The following TYK2 variants were observed in gnomAD, a reference collection of about 807,000 sequenced individuals.
TYK2 encodes non-receptor tyrosine-protein kinase TYK2.
TYK2 carries 65 observed loss-of-function variants against 130.9 expected under a neutral mutation model. The ratio of observed to expected loss-of-function variants is 0.50; its 90% confidence interval spans 0.41 to 0.61. The LOEUF (loss-of-function observed/expected upper bound fraction) is 0.61, where lower values mean the gene tolerates loss of function less well. TYK2 is among the 20% of genes least tolerant of loss of function. The pLI is 0.00. For synonymous variants in TYK2, 647 were observed against 658.9 expected (o/e 0.98, Z 0.28); for missense variants, 1,378 against 1,610.7 (o/e 0.86, Z 2.47).
chr19:10,374,915 G>A (rs1302505092), intron 3 of TYK2, among the ~76,000 whole-genome samples: 3 of 151,962 alleles, frequency 2.0e-5, no homozygotes, highest in South Asian at 2.1e-4. Flanking sequence ...ATGGCCAGGC[G>A]CGATGGCTCA....
chr19:10,351,375 T>C, intron 23 of TYK2: 1 of 449,728 alleles, frequency 2.2e-6, no homozygotes. Context: ...TAATCCCAGC[T>C]ACTTGGGAGG....
Position 10,353,873 on chromosome 19 carries a change from TG to T in TYK2, c.2908+168del. 1 of 784,598 alleles carries T rather than the reference TG, an allele frequency of 1.3e-6. No individual in the cohort carries two copies. Among genetic ancestry groups the T allele is most frequent in the Non-Finnish European group, 2.1e-6 (1 of 483,566 alleles). 48.6% of individuals were successfully genotyped at this position (784,598 alleles called of 1,614,324 possible). On this transcript the variant is annotated intron_variant, in intron 20 of 24. Coordinates refer to ENST00000525621, the MANE Select transcript of TYK2 (RefSeq NM_003331.5). This position sits in a 1 kb window ranked among gnomAD's most constrained non-coding sequence, Gnocchi z 6.9. ...GCCCCAGCAGGTAGCACCCCCCAGA[TG>T]GGAAGGAGGCAGCCCAGCCACGCTC...
rs759288032 is a variant in TYK2, at chr19:10,365,543, C to G, written c.985G>C (p.Val329Leu). The G allele has an allele frequency of 1.2e-6, 2 of 1,613,982 alleles. No homozygotes were observed. The highest frequency in any genetic ancestry group is 1.7e-6 in the Non-Finnish European group (2 of 1,180,026). ...TGTGGIQWWP[V>L]EEEVNKEEGS... ...TCCTCCTTGTTCACCTCCTCCTCTA[C>G]TGGCCACCACTGGATGCCACCAGTG... Residue 329 changes from valine to leucine, a missense_variant, in exon 7 of 25, where the codon GTA (valine) becomes CTA (leucine). Val to Leu is a conservative substitution (Grantham distance 32). Coordinates refer to ENST00000525621, the MANE Select transcript of TYK2 (RefSeq NM_003331.5).
intron 22 of TYK2, 72 bp from the exon 23 acceptor site, chr19:10,352,623 C>T (rs2040867956): frequency 1.2e-6 from 1 of 826,876 alleles, no homozygotes; most frequent in African/African-American, 1.7e-5. Flanking sequence ...GGCTGAAGCC[C>T]TCACCTGAGA....
chr19:10,358,711 C>T (rs1391927229), intron 15 of TYK2, among the ~76,000 whole-genome samples: 1 of 151,992 alleles, frequency 6.6e-6, no homozygotes, highest in Non-Finnish European at 1.5e-5. Flanking sequence ...CCGCCTTGGC[C>T]TCCCAAACTG....
chr19:10,359,755 G>A lies in TYK2; in HGVS notation c.2048-453C>T, dbSNP rs531959609. On this transcript the variant is annotated intron_variant, in intron 14 of 24. Transcript: ENST00000525621. ...AGCACTTTGGGAGGCTGAGGCGGGC[G>A]GATCACAAGTTCAGGAGTTCGAGAC... Among the ~76,000 whole-genome samples the A allele has an allele frequency of 2.6e-5, 4 of 152,070 alleles. No homozygotes were observed. The South Asian group carries it at 8.3e-4, about 32-fold the overall frequency.
At chr19:10,366,615 G>A (rs759719806) in intron 5 of TYK2, 35 bp from the exon 6 acceptor site, 1 of 1,612,640 alleles carries the variant, frequency 6.2e-7, no homozygotes, top group African/African-American at 1.3e-5. Flanking sequence ...AGGGAGGTGT[G>A]AGAATGCGTT....
intron 3 of TYK2, among the ~76,000 whole-genome samples, chr19:10,371,305 AGT>A (rs2041898458): frequency 6.6e-6 from 1 of 151,496 alleles, no homozygotes; most frequent in Non-Finnish European, 1.5e-5. Context: ...GCCCTGAAGT[AGT>A]GTTTATAATT....
At chr19:10,369,292 C>T (rs1406660474) in intron 3 of TYK2, among the ~76,000 whole-genome samples, 1 of 152,130 alleles carries the variant, frequency 6.6e-6, no homozygotes, top group Non-Finnish European at 1.5e-5. Flanking sequence ...CAGGCCCCCC[C>T]TTAGATATGG....
chr19:10,350,824 C>T lies in TYK2; in HGVS notation c.*10G>A. 7 of 1,612,822 alleles carry T rather than the reference C, an allele frequency of 4.3e-6. No homozygotes were observed. The highest frequency in any genetic ancestry group is 5.9e-6 in the Non-Finnish European group (7 of 1,180,000). On this transcript the variant is annotated 3_prime_UTR_variant, in exon 25 of 25. Coordinates refer to ENST00000525621, the MANE Select transcript of TYK2 (RefSeq NM_003331.5). ...GGTCCAGTCCTCCCAGGCAGGGCTG[C>T]CATTGTGCCTCAGCACACGCTGAAC...
At chr19:10,351,597 TG>T in intron 23 of TYK2, 1 of 251,340 alleles carries the variant, frequency 4.0e-6, no homozygotes, top group Non-Finnish European at 7.9e-6. Context: ...TTCACTTCTC[TG>T]GGCCTGTTTT....
In TYK2 at chr19:10,365,901, G is replaced by T. The variant is rs750663278; in HGVS notation, c.630-3C>A. 1 of 1,603,580 alleles carries T rather than the reference G, an allele frequency of 6.2e-7. No homozygotes were observed. Among genetic ancestry groups the T allele is most frequent in the South Asian group, 1.1e-5 (1 of 89,776 alleles). ...AGCGCGGGATGCAGTCCTTGAAGCT[G>T]GGGGGAAACACAGTGAGGGGCTGGT... On this transcript the variant is annotated splice_region_variant and splice_polypyrimidine_tract_variant and intron_variant, in intron 6 of 24. Transcript: ENST00000525621.
In TYK2 at chr19:10,361,435, G is replaced by A; in HGVS notation, c.2047+76C>T. On this transcript the variant is annotated intron_variant, in intron 14 of 24. Transcript: ENST00000525621. The surrounding 1 kb of genome is among the most constrained non-coding windows in gnomAD (Gnocchi z 4.0). ...TAGGTTGGGGTGTAGGTCGAGGGTTGGGGTACAGATCAGGGAGTGGGTATA... is the reference window on the plus strand; with the variant it reads ...TAGGTTGGGGTGTAGGTCGAGGGTTAGGGTACAGATCAGGGAGTGGGTATA... 7.5e-7 allele frequency: 1 copy of A among 1,339,824 alleles called. No homozygotes were observed. Among genetic ancestry groups the A allele is most frequent in the Non-Finnish European group, 1.0e-6 (1 of 984,118 alleles). The allele number at this position is 1,339,824 out of a possible 1,614,324, so 83.0% of individuals were successfully genotyped here.
intron 3 of TYK2, among the ~76,000 whole-genome samples, chr19:10,377,556 G>A (rs1356735239): frequency 8.2e-4 from 48 of 58,808 alleles, no homozygotes; most frequent in Middle Eastern, 0.022. Flanking sequence ...GGGTGGGTGG[G>A]TGGATGGATG....
At chr19:10,370,518 A>G (rs1234347131) in intron 3 of TYK2, among the ~76,000 whole-genome samples, 1 of 151,770 alleles carries the variant, frequency 6.6e-6, no homozygotes, top group African/African-American at 2.4e-5. Flanking sequence ...CTCAAAAAAA[A>G]AAAAAAAAAT....
At chr19:10,354,331 T>A in intron 19 of TYK2, 97 bp from the exon 20 acceptor site, 1 of 1,486,504 alleles carries the variant, frequency 6.7e-7, no homozygotes, top group Non-Finnish European at 9.2e-7. Context: ...GCAGATCCTT[T>A]CGGAATACCC....
Position 10,354,255 on chromosome 19 carries a change from G to T in TYK2, c.2716-21C>A, listed in dbSNP as rs1248417818. ...TGACCCTGGTCGGGAGCGCACGAGG[G>T]TCAGCTCCACCTCCCCAATCCCTGC... On this transcript the variant is annotated intron_variant, in intron 19 of 24. Coordinates refer to ENST00000525621, the MANE Select transcript of TYK2 (RefSeq NM_003331.5). 1.9e-6 allele frequency: 3 copies of T among 1,608,168 alleles called. No homozygotes were observed. The Admixed American group carries it at 5.0e-5, about 27-fold the overall frequency.
At position 10,380,524 on chromosome 19, in the gene TYK2, A is replaced by C. The variant is rs959290483; in HGVS notation, c.-330T>G. The C allele has an allele frequency of 6.6e-6, 1 of 152,380 alleles. No homozygotes were observed. The highest frequency in any genetic ancestry group is 2.4e-5 in the African/African-American group (1 of 41,426). The allele number at this position is 152,380 out of a possible 1,614,324, so 9.4% of individuals were successfully genotyped here. Reference sequence around the variant, plus strand: ...TCCAGACTCACCCTTCCGGGGGAACACAAGCTCGAACCCGGACCCCTCCCC... The same window carrying C: ...TCCAGACTCACCCTTCCGGGGGAACCCAAGCTCGAACCCGGACCCCTCCCC... On this transcript the variant is annotated 5_prime_UTR_variant, in exon 1 of 25. Coordinates refer to ENST00000525621, the MANE Select transcript of TYK2 (RefSeq NM_003331.5).
chr19:10,365,949 A>G, intron 6 of TYK2, 51 bp from the exon 7 acceptor site: 1 of 1,539,912 alleles, frequency 6.5e-7, no homozygotes, highest in Non-Finnish European at 8.8e-7. Flanking sequence ...TTGCAGGCCC[A>G]GCTGGGTGAC....
Sources: allele counts gnomAD v4.1 joint callset (sites outside exome capture counted in the v4.1 genomes callset), GRCh38; gene constraint gnomAD v4.1.1; non-coding constraint Gnocchi (gnomAD v3.1); transcripts MANE v1.5; gene names NCBI Gene and HGNC (gene_info 2026-07-23, HGNC 2026-07-21).